RCAN2: variants seen among roughly 807,000 people sequenced by gnomAD.
RCAN2 encodes the protein calcipressin-2.
In RCAN2, 9 loss-of-function variants were observed where a neutral mutation model predicts 23.6. The ratio of observed to expected loss-of-function variants is 0.38; its 90% confidence interval spans 0.23 to 0.67. The LOEUF (loss-of-function observed/expected upper bound fraction) is 0.67, where lower values mean the gene tolerates loss of function less well. Among genes scored for constraint, RCAN2 ranks in the 30% least tolerant of loss-of-function variants. RCAN2 has a pLI of 0.51. For synonymous variants in RCAN2, 109 were observed against 115.7 expected (o/e 0.94, Z 0.37); for missense variants, 273 against 302.3 (o/e 0.90, Z 0.72).
At position 46,284,495 on chromosome 6, in the gene RCAN2, C is replaced by T. The variant is rs536034499; in HGVS notation, c.226-35599G>A. 1.3e-4 allele frequency among the ~76,000 whole-genome samples: 20 copies of T among 152,278 alleles called. 1 individual carries two copies. In the South Asian group the frequency reaches 3.7e-3, roughly 28 times the overall value. ...AGAAAAATCACTAATTTTAATAAAA[C>T]CCAATAGACCAGAATGTGTAGTTTG... is the stretch of plus-strand genomic sequence containing the variant. On this transcript the variant is annotated intron_variant, in intron 2 of 4. Coordinates refer to ENST00000371374, the MANE Select transcript of RCAN2 (RefSeq NM_001251974.2).
intron 4 of RCAN2, among the ~76,000 whole-genome samples, chr6:46,235,688 C>G (rs1043133238): frequency 6.6e-6 from 1 of 152,112 alleles, no homozygotes; most frequent in African/African-American, 2.4e-5. Flanking sequence ...TGAATTTTCT[C>G]TCTCTTTCAT....
chr6:46,349,108 A>G (rs1310913400), intron 2 of RCAN2, among the ~76,000 whole-genome samples: 1 of 152,192 alleles, frequency 6.6e-6, no homozygotes, highest in Non-Finnish European at 1.5e-5. Flanking sequence ...TTACTTACTA[A>G]TAAACATCTT....
At chr6:46,253,475 G>A (rs1423341260) in intron 2 of RCAN2, among the ~76,000 whole-genome samples, 1 of 152,144 alleles carries the variant, frequency 6.6e-6, no homozygotes, top group African/African-American at 2.4e-5. Context: ...AGCTTAGAAT[G>A]TTTCCTCCAG....
chr6:46,352,476 C>G (rs568624191), intron 2 of RCAN2, among the ~76,000 whole-genome samples: 12 of 152,242 alleles, frequency 7.9e-5, no homozygotes, highest in Middle Eastern at 3.4e-3. Flanking sequence ...TAATCAGAAT[C>G]AGGAGGCTTC....
chr6:46,476,718 G>C (rs374684721), intron 1 of RCAN2, among the ~76,000 whole-genome samples: 2,858 of 152,224 alleles, frequency 0.019, 40 homozygotes, highest in Middle Eastern at 0.041. Context: ...TTTGTTCTAG[G>C]TTTTTTAAAC....
At chr6:46,437,908 T>C (rs533801571) in intron 2 of RCAN2, among the ~76,000 whole-genome samples, 2 of 152,350 alleles carry the variant, frequency 1.3e-5, no homozygotes, top group South Asian at 4.1e-4. Context: ...TTGCAGTTTT[T>C]AAAATAAGCA....
intron 2 of RCAN2, among the ~76,000 whole-genome samples, chr6:46,397,865 T>A (rs1187674603): frequency 1.3e-5 from 2 of 152,190 alleles, no homozygotes; most frequent in African/African-American, 2.4e-5. Context: ...TGAAAAAATC[T>A]TTTAAATTTT....
intron 2 of RCAN2, among the ~76,000 whole-genome samples, chr6:46,389,164 T>C (rs1343082503): frequency 1.3e-5 from 2 of 152,172 alleles, no homozygotes; most frequent in African/African-American, 4.8e-5. Flanking sequence ...AGGCTTCCTG[T>C]GACCACAGGA....
intron 2 of RCAN2, among the ~76,000 whole-genome samples, chr6:46,399,208 A>G (rs1345480363): frequency 6.6e-6 from 1 of 152,036 alleles, no homozygotes; most frequent in Non-Finnish European, 1.5e-5. Flanking sequence ...ATGGGACCAA[A>G]GCAGACATGT....
chr6:46,371,214 A>G (rs896067052), intron 2 of RCAN2, among the ~76,000 whole-genome samples: 1 of 152,200 alleles, frequency 6.6e-6, no homozygotes, highest in African/African-American at 2.4e-5. Flanking sequence ...TACCAATCAG[A>G]TGTCACTTTA....
intron 2 of RCAN2, among the ~76,000 whole-genome samples, chr6:46,301,354 T>C (rs889062820): frequency 4.6e-5 from 7 of 152,128 alleles, no homozygotes; most frequent in Admixed American, 1.3e-4. Context: ...GGTATGGCCC[T>C]CCAGATAGCA....
intron 4 of RCAN2, among the ~76,000 whole-genome samples, chr6:46,243,043 G>T (rs1486345507): frequency 6.6e-6 from 1 of 152,152 alleles, no homozygotes; most frequent in Non-Finnish European, 1.5e-5. Context: ...GTGAATATTT[G>T]TGCAAAGTGA....
chr6:46,324,977 A>T (rs936516883), intron 2 of RCAN2, among the ~76,000 whole-genome samples: 3 of 152,264 alleles, frequency 2.0e-5, no homozygotes, highest in Non-Finnish European at 2.9e-5. Context: ...CATGCCAGAA[A>T]GGGTTATTGC....
At chr6:46,376,509 G>A (rs1339529906) in intron 2 of RCAN2, among the ~76,000 whole-genome samples, 1 of 152,050 alleles carries the variant, frequency 6.6e-6, no homozygotes, top group Non-Finnish European at 1.5e-5. Context: ...GTAAAACCCC[G>A]TCTCTACTAA....
intron 2 of RCAN2, among the ~76,000 whole-genome samples, chr6:46,415,907 A>C (rs1210186903): frequency 6.6e-6 from 1 of 152,208 alleles, no homozygotes; most frequent in Non-Finnish European, 1.5e-5. Context: ...AAAATGATGT[A>C]ATATTTGCAT....
chr6:46,370,704 G>A (rs563390835), intron 2 of RCAN2, among the ~76,000 whole-genome samples: 40 of 152,332 alleles, frequency 2.6e-4, no homozygotes, highest in African/African-American at 9.4e-4. Flanking sequence ...AACCCTGCCT[G>A]CATTTCAGTG....
At chr6:46,437,154 G>C (rs912250581) in intron 2 of RCAN2, among the ~76,000 whole-genome samples, 1 of 152,154 alleles carries the variant, frequency 6.6e-6, no homozygotes, top group African/African-American at 2.4e-5. Flanking sequence ...GATCCTATTT[G>C]GGTGTATGCC....
chr6:46,329,877 C>A (rs1763908683), intron 2 of RCAN2, among the ~76,000 whole-genome samples: 1 of 152,186 alleles, frequency 6.6e-6, no homozygotes, highest in Non-Finnish European at 1.5e-5. Flanking sequence ...AAAGGATGGA[C>A]AGCTGAGCTG....
intron 2 of RCAN2, among the ~76,000 whole-genome samples, chr6:46,336,268 C>T (rs754336787): frequency 1.3e-5 from 2 of 152,170 alleles, no homozygotes; most frequent in Non-Finnish European, 2.9e-5. Context: ...CTGCTGGTGA[C>T]ATTGTAGAAA....
Sources: gnomAD v4.1 joint callset for allele counts (sites outside exome capture counted in the v4.1 genomes callset) on GRCh38, gnomAD v4.1.1 for gene constraint, MANE v1.5 for transcripts, NCBI Gene and HGNC (gene_info 2026-07-23, HGNC 2026-07-21) for gene names.